SLC4A3: variants seen among roughly 807,000 people sequenced by gnomAD.
The protein encoded by SLC4A3 is anion exchange protein 3.
SLC4A3 carries 47 observed loss-of-function variants against 114.2 expected under a neutral mutation model. That is an observed-to-expected ratio of 0.41 (90% CI 0.33 to 0.52). The LOEUF (loss-of-function observed/expected upper bound fraction) is 0.52. Ranked by LOEUF, SLC4A3 falls within the 20% of genes least tolerant of loss-of-function variation. The probability of loss-of-function intolerance (pLI) is 0.21; values close to 1 mark genes in which losing one functional copy is unlikely to be tolerated. For missense variants in SLC4A3, 1,312 were observed against 1,668.3 expected (o/e 0.79, Z 3.72); for synonymous variants, 693 against 710.3 (o/e 0.98, Z 0.39).
At position 219,629,331 on chromosome 2, in the gene SLC4A3, T is replaced by C. The variant is rs1559196656; in HGVS notation, c.405T>C (p.Asp135=). 1 of 1,610,978 alleles carries C rather than the reference T, an allele frequency of 6.2e-7. No homozygotes were observed. The highest frequency in any genetic ancestry group is 2.2e-5 in the East Asian group (1 of 44,800). Residue 135 remains aspartate, a synonymous_variant, in exon 4 of 23, where the codon GAT becomes GAC. Coordinates refer to ENST00000358055, the MANE Select transcript of SLC4A3 (RefSeq NM_005070.4). ...PIQEEGGAGV[D]EEEEEEEEEE... ...AGGAGGAGGGGGGAGCTGGAGTGGA[T>C]GAGGAAGAGGAGGAAGAGGAGGAAG...
Position 219,631,020 on chromosome 2 carries a change from T to C in SLC4A3, c.811+668T>C. 1.5e-6 allele frequency: 1 copy of C among 656,918 alleles called. No individual in the cohort carries two copies. Among genetic ancestry groups the C allele is most frequent in the Non-Finnish European group, 1.9e-6 (1 of 517,040 alleles). 40.7% of individuals were successfully genotyped at this position (656,918 alleles called of 1,614,324 possible). A position where few individuals can be genotyped will look rare whatever the true frequency, so the allele number is the denominator to read the frequency against. ...GACAGGAACAATCCGATGGCAGCAGTAGCAGCAGGATGGGGGGTGGGGGAG... is the reference window on the plus strand; with the variant it reads ...GACAGGAACAATCCGATGGCAGCAGCAGCAGCAGGATGGGGGGTGGGGGAG... On this transcript the variant is annotated intron_variant, in intron 6 of 22. Coordinates refer to ENST00000358055, the MANE Select transcript of SLC4A3 (RefSeq NM_005070.4). This position sits in a 1 kb window ranked among gnomAD's most constrained non-coding sequence, Gnocchi z 6.3.
At position 219,637,048 on chromosome 2, in the gene SLC4A3, C is replaced by A. The variant is rs1452843313; in HGVS notation, c.2535+174C>A. On this transcript the variant is annotated intron_variant, in intron 16 of 22. Transcript: ENST00000358055. This position sits in a 1 kb window ranked among gnomAD's most constrained non-coding sequence, Gnocchi z 4.6. ...AGGTCTGAGCTGAAGGGGAGGGAGT[C>A]AGACCCAGGGGGTGGGTGCCAGGTC... Among the ~76,000 whole-genome samples, 1 of 151,968 alleles carries A rather than the reference C, an allele frequency of 6.6e-6. No homozygotes were observed. The highest frequency in any genetic ancestry group is 2.4e-5 in the African/African-American group (1 of 41,358).
In SLC4A3 at chr2:219,635,457, G is replaced by A. The variant is rs781271998; in HGVS notation, c.1933G>A (p.Glu645Lys). Reference protein sequence around the residue: ...KRREREQTKVEMTTRGGYTAP... With the variant: ...KRREREQTKVKMTTRGGYTAP... ...GCGAGAGCGTGAACAGACCAAAGTCGAGATGACCACACGGGGTGGCTACAC... is the reference window on the plus strand; with the variant it reads ...GCGAGAGCGTGAACAGACCAAAGTCAAGATGACCACACGGGGTGGCTACAC... Residue 645 changes from glutamate (E) to lysine (K), a missense_variant, in exon 13 of 23, where the codon GAG becomes AAG. Physicochemically the swap from Glu to Lys is moderately conservative, Grantham distance 56. Transcript: ENST00000358055. 1.1e-5 allele frequency: 18 copies of A among 1,613,740 alleles called. No homozygotes were observed. The highest frequency in any genetic ancestry group is 1.7e-5 in the Admixed American group (1 of 59,972).
At position 219,631,598 on chromosome 2, in the gene SLC4A3, GA is replaced by G; in HGVS notation, c.812-366del. The G allele has an allele frequency of 2.5e-6, 2 of 787,440 alleles. No homozygotes were observed. The highest frequency in any genetic ancestry group is 3.6e-6 in the Non-Finnish European group (2 of 559,670). The allele number at this position is 787,440 out of a possible 1,614,324, so 48.8% of individuals were successfully genotyped here. On this transcript the variant is annotated intron_variant, in intron 6 of 22. Transcript: ENST00000358055. This position sits in a 1 kb window ranked among gnomAD's most constrained non-coding sequence, Gnocchi z 6.3. Reference sequence around the variant, plus strand: ...CGTGGGTGTTGAGATAGGGTGCACGGAAAATGTTGGGGGCTCAGTGCCTGGG... The same window carrying G: ...CGTGGGTGTTGAGATAGGGTGCACGGAAATGTTGGGGGCTCAGTGCCTGGG...
intron 7 of SLC4A3, 45 bp downstream of exon 7, chr2:219,632,161 C>T (rs370384576): frequency 6.4e-5 from 103 of 1,606,634 alleles, no homozygotes; most frequent in African/African-American, 1.3e-4. Context: ...TCATGCCCCT[C>T]GGCCCCGGAG....
At chr2:219,629,726 C>T in intron 5 of SLC4A3, 31 bp downstream of exon 5, 1 of 1,495,112 alleles carries the variant, frequency 6.7e-7, no homozygotes, top group Non-Finnish European at 9.2e-7. Flanking sequence ...TCAGCAGGGC[C>T]CAGCCCAGAG....
intron 8 of SLC4A3, 81 bp downstream of exon 8, chr2:219,632,523 T>G: frequency 5.0e-5 from 71 of 1,417,834 alleles, no homozygotes; most frequent in Non-Finnish European, 6.5e-5. Context: ...GAACACTCTC[T>G]AGAGTCCTGG....
intron 11 of SLC4A3, 34 bp downstream of exon 11, chr2:219,634,013 C>A: frequency 6.6e-7 from 1 of 1,522,044 alleles, no homozygotes; most frequent in South Asian, 1.3e-5. Flanking sequence ...GCAGGGTCTG[C>A]AGTGTGTGTG....
chr2:219,640,747 G>A (rs1455878246), intron 21 of SLC4A3, 42 bp from the exon 22 acceptor site: 3 of 1,597,014 alleles, frequency 1.9e-6, no homozygotes, highest in Non-Finnish European at 2.6e-6. Flanking sequence ...GTGGGAGCAG[G>A]CCGGGACGCT....
Position 219,634,604 on chromosome 2 carries a change from G to C in SLC4A3, c.1746G>C (p.Lys582Asn). ...CCATTGCCACCCTTATGTCTGACAA[G>C]GTTGGGCGCGTGCTGGCTCTCAAGG... ...GRSIATLMSDKLFHEAAYQAD... is the reference protein window; with the variant it reads ...GRSIATLMSDNLFHEAAYQAD... The change falls in exon 12 of 23, where the codon AAG becomes AAC. Residue 582 changes from lysine (K) to asparagine (N), a missense_variant and splice_region_variant. Coordinates refer to ENST00000358055, the MANE Select transcript of SLC4A3 (RefSeq NM_005070.4). The C allele has an allele frequency of 6.2e-7, 1 of 1,613,882 alleles. No individual in the cohort carries two copies. Among genetic ancestry groups the C allele is most frequent in the Non-Finnish European group, 8.5e-7 (1 of 1,179,884 alleles).
Position 219,633,923 on chromosome 2 carries a change from G to A in SLC4A3, c.1505G>A (p.Ser502Asn). 1 of 1,561,940 alleles carries A rather than the reference G, an allele frequency of 6.4e-7. No homozygotes were observed. Among genetic ancestry groups the A allele is most frequent in the Non-Finnish European group, 8.7e-7 (1 of 1,152,288 alleles). Residue 502 changes from serine to asparagine, a missense_variant, in exon 11 of 23, where the codon AGC becomes AAC. Ser to Asn is a conservative substitution (Grantham distance 46). Coordinates refer to ENST00000358055, the MANE Select transcript of SLC4A3 (RefSeq NM_005070.4). ...GGGGGAGATGGTCACCGGGGGAAAA[G>A]CCTGAAGCTGCTGGAGAAGATCCCT... ...MPGGDGHRGK[S>N]LKLLEKIPED...
At chr2:219,635,573 G>A (rs540223944) in intron 13 of SLC4A3, 77 bp downstream of exon 13, 100 of 1,482,790 alleles carry the variant, frequency 6.7e-5, no homozygotes, top group Middle Eastern at 1.7e-4. Flanking sequence ...CCCCAGCCCC[G>A]TCCTGACTCC....
chr2:219,637,016 C>A lies in SLC4A3; in HGVS notation c.2535+142C>A. The A allele has an allele frequency of 1.3e-6, 1 of 770,472 alleles. No individual in the cohort carries two copies. Among genetic ancestry groups the A allele is most frequent in the Non-Finnish European group, 2.1e-6 (1 of 482,568 alleles). 47.7% of individuals were successfully genotyped at this position (770,472 alleles called of 1,614,324 possible). Reference sequence around the variant, plus strand: ...GGGAGTGAGGGGTTCTAGGGACACCCTAGGCTAGGTCTGAGCTGAAGGGGA... The same window carrying A: ...GGGAGTGAGGGGTTCTAGGGACACCATAGGCTAGGTCTGAGCTGAAGGGGA... On this transcript the variant is annotated intron_variant, in intron 16 of 22. Coordinates refer to ENST00000358055, the MANE Select transcript of SLC4A3 (RefSeq NM_005070.4). This position sits in a 1 kb window ranked among gnomAD's most constrained non-coding sequence, Gnocchi z 4.6.
rs71688224 is a variant in SLC4A3, at chr2:219,637,193, AGTGTGT to A, written c.2535+331_2535+336del. Among the ~76,000 whole-genome samples, 33,299 of 147,834 alleles carry A rather than the reference AGTGTGT, an allele frequency of 0.23. 3,902 individuals are homozygous for A. The highest frequency in any genetic ancestry group is 0.27 in the Middle Eastern group (79 of 288). ...GTCCTTGGGTCACCTTTTGTAGAGGAGTGTGTGTGTGTGTGTGGGTGTGGGTGTGGT... is the reference window on the plus strand; with the variant it reads ...GTCCTTGGGTCACCTTTTGTAGAGGAGTGTGTGTGTGGGTGTGGGTGTGGT... On this transcript the variant is annotated intron_variant, in intron 16 of 22. Coordinates refer to ENST00000358055, the MANE Select transcript of SLC4A3 (RefSeq NM_005070.4). This position sits in a 1 kb window ranked among gnomAD's most constrained non-coding sequence, Gnocchi z 4.6.
chr2:219,639,000 C>G lies in SLC4A3; in HGVS notation c.3023+131C>G. On this transcript the variant is annotated intron_variant, in intron 19 of 22. Transcript: ENST00000358055. The surrounding 1 kb of genome is among the most constrained non-coding windows in gnomAD (Gnocchi z 7.5). ...CTGGGTGGTGGGAGCTGGTGGCAAT[C>G]CTTGAGGAAGAGAGTGTGTGTGGAG... 1 of 1,009,824 alleles carries G rather than the reference C, an allele frequency of 9.9e-7. No individual in the cohort carries two copies. The highest frequency in any genetic ancestry group is 1.5e-6 in the Non-Finnish European group (1 of 672,692). 62.6% of individuals were successfully genotyped at this position (1,009,824 alleles called of 1,614,324 possible).
chr2:219,633,842 GTC>G (rs767890494), intron 10 of SLC4A3, 36 bp from the exon 11 acceptor site: 12 of 1,551,286 alleles, frequency 7.7e-6, no homozygotes, highest in African/African-American at 2.7e-5. Context: ...ACGGCCTCCG[GTC>G]TGGGTCCCAG....
At position 219,637,425 on chromosome 2, in the gene SLC4A3, T is replaced by C. The variant is rs1212982950; in HGVS notation, c.2536-156T>C. On this transcript the variant is annotated intron_variant, in intron 16 of 22. Coordinates refer to ENST00000358055, the MANE Select transcript of SLC4A3 (RefSeq NM_005070.4). This position sits in a 1 kb window ranked among gnomAD's most constrained non-coding sequence, Gnocchi z 4.6. ...TTGTATGTGTGTGTTCTGTGTGTTC[T>C]GTGTGTTGTGTGTGTGGTGCAGCTG... Among the ~76,000 whole-genome samples, 2 of 151,956 alleles carry C rather than the reference T, an allele frequency of 1.3e-5. No homozygotes were observed. Among genetic ancestry groups the C allele is most frequent in the African/African-American group, 4.8e-5 (2 of 41,344 alleles).
In SLC4A3 at chr2:219,628,072, A is replaced by C; in HGVS notation, c.51+29A>C. On this transcript the variant is annotated intron_variant, in intron 2 of 22. Coordinates refer to ENST00000358055, the MANE Select transcript of SLC4A3 (RefSeq NM_005070.4). This position sits in a 1 kb window ranked among gnomAD's most constrained non-coding sequence, Gnocchi z 4.8. Reference sequence around the variant, plus strand: ...ATCGGCGCGCGCGGGGGCGGGGGAGAGATGGGGGAGGAGAGGGGAGGGACC... The same window carrying C: ...ATCGGCGCGCGCGGGGGCGGGGGAGCGATGGGGGAGGAGAGGGGAGGGACC... 1.3e-6 allele frequency: 2 copies of C among 1,508,290 alleles called. No homozygotes were observed. Among genetic ancestry groups the C allele is most frequent in the African/African-American group, 1.4e-5 (1 of 70,504 alleles). The allele number at this position is 1,508,290 out of a possible 1,614,324, so 93.4% of individuals were successfully genotyped here.
chr2:219,636,611 C>T lies in SLC4A3; in HGVS notation c.2341-69C>T, dbSNP rs905733769. ...CTCTTCCTCGGAGTTCATCCGCTGC[C>T]TATTCCAGGGGGCATTGACACCCAG... On this transcript the variant is annotated intron_variant, in intron 15 of 22. Transcript: ENST00000358055. This position sits in a 1 kb window ranked among gnomAD's most constrained non-coding sequence, Gnocchi z 5.5. The T allele has an allele frequency of 1.5e-5, 22 of 1,509,204 alleles. No individual in the cohort carries two copies. The South Asian group carries it at 2.3e-4, about 15-fold the overall frequency. 93.5% of individuals were successfully genotyped at this position (1,509,204 alleles called of 1,614,324 possible). A position where few individuals can be genotyped will look rare whatever the true frequency, so the allele number is the denominator to read the frequency against.
Sources: gnomAD v4.1 joint callset for allele counts (sites outside exome capture counted in the v4.1 genomes callset) on GRCh38, gnomAD v4.1.1 for gene constraint, Gnocchi (gnomAD v3.1) non-coding constraint, MANE v1.5 for transcripts, NCBI Gene and HGNC (gene_info 2026-07-23, HGNC 2026-07-21) for gene names.